The following SUPT3H variants were observed in gnomAD, a reference collection of about 807,000 sequenced individuals.
SUPT3H encodes the protein SPT3 homolog, SAGA and STAGA complex component.
A neutral mutation model predicts 44.3 loss-of-function variants in SUPT3H; 44 were observed. That is an observed-to-expected ratio of 0.99 (90% CI 0.78 to 1.28). The LOEUF is 1.28. Among genes scored for constraint, SUPT3H ranks in the 50% most tolerant of loss-of-function variants. SUPT3H has a pLI of 0.00. For missense variants in SUPT3H, 380 were observed against 387.1 expected (o/e 0.98, Z 0.15); for synonymous variants, 124 against 125.6 (o/e 0.99, Z 0.09).
intron 6 of SUPT3H, among the ~76,000 whole-genome samples, chr6:44,979,462 C>A (rs1778792854): frequency 6.6e-6 from 1 of 151,966 alleles, no homozygotes; most frequent in South Asian, 2.1e-4. Context: ...AAATCATAAA[C>A]CATGACAAAA....
chr6:44,931,791 T>C (rs577165654), intron 10 of SUPT3H, among the ~76,000 whole-genome samples: 2 of 152,062 alleles, frequency 1.3e-5, no homozygotes, highest in Non-Finnish European at 1.5e-5. Flanking sequence ...AAAGATAATA[T>C]AGACAAAATC....
chr6:44,819,008 G>T (rs1354516805), intron 11 of SUPT3H, among the ~76,000 whole-genome samples: 2 of 152,090 alleles, frequency 1.3e-5, no homozygotes, highest in African/African-American at 4.8e-5. Context: ...TCCACACAAA[G>T]ATCTGTCCAT....
chr6:45,109,028 C>T lies in SUPT3H; in HGVS notation c.102-3022G>A, dbSNP rs533179897. 3.3e-5 allele frequency among the ~76,000 whole-genome samples: 5 copies of T among 151,938 alleles called. No individual in the cohort carries two copies. The East Asian group carries it at 9.6e-4, about 29-fold the overall frequency. On this transcript the variant is annotated intron_variant, in intron 2 of 10. Transcript: ENST00000371459. ...ATCATTAACATAAAGGTAGAAGATGCAATTAAAAGTAAATATAAATTGGTT... is the reference window on the plus strand; with the variant it reads ...ATCATTAACATAAAGGTAGAAGATGTAATTAAAAGTAAATATAAATTGGTT...
intron 10 of SUPT3H, among the ~76,000 whole-genome samples, chr6:44,926,370 T>C (rs1365516414): frequency 6.6e-6 from 1 of 152,018 alleles, no homozygotes; most frequent in Admixed American, 6.6e-5. Context: ...ATTGAAAACA[T>C]ATCGAATTAG....
chr6:44,922,760 T>C (rs192629864), intron 10 of SUPT3H, among the ~76,000 whole-genome samples: 1 of 152,172 alleles, frequency 6.6e-6, no homozygotes, highest in Non-Finnish European at 1.5e-5. Flanking sequence ...GAAAGAGTCA[T>C]CTATCTGAGT....
At chr6:45,292,491 T>C (rs964865921) in intron 2 of SUPT3H, among the ~76,000 whole-genome samples, 24 of 151,924 alleles carry the variant, frequency 1.6e-4, no homozygotes, top group Non-Finnish European at 3.1e-4. Flanking sequence ...AATACTAATA[T>C]TGAATGTAAA....
intron 2 of SUPT3H, among the ~76,000 whole-genome samples, chr6:45,144,225 G>T (rs1805674883): frequency 6.6e-6 from 1 of 151,846 alleles, no homozygotes; most frequent in Admixed American, 6.6e-5. Context: ...ACCAAAACCA[G>T]AAAAGGACAT....
At chr6:45,197,406 G>A (rs1206066839) in intron 2 of SUPT3H, among the ~76,000 whole-genome samples, 2 of 151,368 alleles carry the variant, frequency 1.3e-5, no homozygotes, top group African/African-American at 4.8e-5. Context: ...AGTGGCTCCT[G>A]TTTTACATGG....
At chr6:45,329,740 T>A (rs1345954473) in intron 2 of SUPT3H, among the ~76,000 whole-genome samples, 1 of 151,966 alleles carries the variant, frequency 6.6e-6, no homozygotes, top group Non-Finnish European at 1.5e-5. Flanking sequence ...TCCCTTAATA[T>A]TTAATTTCAA....
At chr6:44,924,885 C>G (rs1769284515) in intron 10 of SUPT3H, among the ~76,000 whole-genome samples, 1 of 151,994 alleles carries the variant, frequency 6.6e-6, no homozygotes, top group East Asian at 1.9e-4. Context: ...TACCCAATTT[C>G]TACTTGGTAT....
In SUPT3H at chr6:45,039,302, G is replaced by A. The variant is rs16873105; in HGVS notation, c.187-18670C>T. Among the ~76,000 whole-genome samples the A allele has an allele frequency of 4.9e-3, 741 of 152,124 alleles. 25 individuals carry two copies. The highest frequency in any genetic ancestry group is 0.046 in the East Asian group (236 of 5,172). ...AGAAAAGTGTTTTAATATGTGGATG[G>A]GTATTGTCCAAACATTTCAAATCTA... On this transcript the variant is annotated intron_variant, in intron 3 of 10. Coordinates refer to ENST00000371459, the MANE Select transcript of SUPT3H (RefSeq NM_003599.4).
chr6:45,198,583 T>A (rs149206282), intron 2 of SUPT3H, among the ~76,000 whole-genome samples: 298 of 151,498 alleles, frequency 2.0e-3, no homozygotes, highest in African/African-American at 6.9e-3. Context: ...AACTTGGGAA[T>A]AGCATATAAC....
intron 2 of SUPT3H, among the ~76,000 whole-genome samples, chr6:45,174,907 G>T (rs980440529): frequency 2.0e-5 from 3 of 150,472 alleles, no homozygotes; most frequent in Non-Finnish European, 4.4e-5. Context: ...ACCAGGCATG[G>T]TAAATCACGC....
chr6:44,809,678 G>A (rs1766381293), intron 11 of SUPT3H, among the ~76,000 whole-genome samples: 1 of 152,066 alleles, frequency 6.6e-6, no homozygotes. Context: ...TCAAAAATAG[G>A]CATTTTAGGC....
At chr6:45,054,457 T>C (rs998481479) in intron 3 of SUPT3H, among the ~76,000 whole-genome samples, 3 of 152,350 alleles carry the variant, frequency 2.0e-5, no homozygotes, top group East Asian at 1.9e-4. Flanking sequence ...CTTCATTTAA[T>C]GTAGCATAAA....
chr6:45,061,893 G>GTTTT (rs34656186), intron 3 of SUPT3H, among the ~76,000 whole-genome samples: 2 of 93,552 alleles, frequency 2.1e-5, no homozygotes, highest in East Asian at 3.2e-4. Context: ...TCCATAAGCT[G>GTTTT]TTTTTTTTTT....
chr6:44,908,239 C>T (rs898663265), intron 10 of SUPT3H, among the ~76,000 whole-genome samples: 1 of 150,620 alleles, frequency 6.6e-6, no homozygotes, highest in Non-Finnish European at 1.5e-5. Flanking sequence ...GCAAGCTCTG[C>T]CTCCTGGGTT....
chr6:44,996,790 T>A (rs1781335818), intron 6 of SUPT3H, among the ~76,000 whole-genome samples: 1 of 151,816 alleles, frequency 6.6e-6, no homozygotes, highest in Non-Finnish European at 1.5e-5. Flanking sequence ...TTAAAAATGG[T>A]TTTACTTTTT....
At chr6:45,068,844 C>A (rs1793887272) in intron 3 of SUPT3H, among the ~76,000 whole-genome samples, 1 of 152,020 alleles carries the variant, frequency 6.6e-6, no homozygotes, top group East Asian at 1.9e-4. Flanking sequence ...CTTTCAAGAT[C>A]ATGTGAACAC....
Sources: gnomAD v4.1 joint callset for allele counts (sites outside exome capture counted in the v4.1 genomes callset) on GRCh38, gnomAD v4.1.1 for gene constraint, MANE v1.5 for transcripts, NCBI Gene and HGNC (gene_info 2026-07-23, HGNC 2026-07-21) for gene names.